WDPCP: variants seen among roughly 807,000 people sequenced by gnomAD.
The protein encoded by WDPCP is WD repeat-containing and planar cell polarity effector protein fritz homolog.
WDPCP carries 71 observed loss-of-function variants against 93.1 expected under a neutral mutation model. That is an observed-to-expected ratio of 0.76 (90% CI 0.63 to 0.93). WDPCP has a LOEUF of 0.93. Among genes scored for constraint, WDPCP ranks in the 40% least tolerant of loss-of-function variants. The pLI, the probability that WDPCP is intolerant of heterozygous loss-of-function variation, is 0.00. For missense variants in WDPCP, 844 were observed against 887.4 expected, an observed-to-expected ratio of 0.95 and a Z score of 0.62; for synonymous variants, 315 against 315.0, an observed-to-expected ratio of 1.00 and a Z score of 0.00.
At chr2:63,565,486 A>C (rs1706972289) in intron 1 of WDPCP, among the ~76,000 whole-genome samples, 1 of 152,204 alleles carries the variant, frequency 6.6e-6, no homozygotes, top group Admixed American at 6.5e-5. Context: ...ATAGTATAAT[A>C]AAACATCAAG....
At chr2:63,126,126 G>T (rs1029352455) in intron 17 of WDPCP, among the ~76,000 whole-genome samples, 3 of 151,456 alleles carry the variant, frequency 2.0e-5, no homozygotes, top group Admixed American at 6.6e-5. Flanking sequence ...TAGAGACAGG[G>T]TTTCACCATT....
At chr2:63,645,529 T>C (rs1322137044) in intron 3 of WDPCP, among the ~76,000 whole-genome samples, 3 of 152,236 alleles carry the variant, frequency 2.0e-5, no homozygotes, top group Non-Finnish European at 2.9e-5. Context: ...ATTTGGTTTA[T>C]AGTGCAGATT....
chr2:63,572,584 T>C (rs866260047), intron 1 of WDPCP, among the ~76,000 whole-genome samples: 14 of 150,524 alleles, frequency 9.3e-5, no homozygotes, highest in Admixed American at 2.7e-4. Flanking sequence ...GCGCCTGTAA[T>C]CCCAGCTACT....
the WDPCP span, among the ~76,000 whole-genome samples, chr2:63,835,366 G>T: frequency 1.4e-5 from 2 of 148,094 alleles, no homozygotes; most frequent in Non-Finnish European, 3.0e-5. Flanking sequence ...CTCCAGCCTG[G>T]GTGACAGAGC....
chr2:63,599,324 G>A (rs1448804920), intron 3 of WDPCP: 2 of 1,589,024 alleles, frequency 1.3e-6, no homozygotes, highest in Admixed American at 1.8e-5. Flanking sequence ...TCTTGTGGTT[G>A]TTCAACTTTA....
Position 63,588,342 on chromosome 2 carries a change from C to G in WDPCP, c.-71G>C. 1 of 1,527,634 alleles carries G rather than the reference C, an allele frequency of 6.5e-7. No homozygotes were observed. Among genetic ancestry groups the G allele is most frequent in the Admixed American group, 2.0e-5 (1 of 51,078 alleles). The allele number at this position is 1,527,634 out of a possible 1,614,324, so 94.6% of individuals were successfully genotyped here. A position where few individuals can be genotyped will look rare whatever the true frequency, so the allele number is the denominator to read the frequency against. On this transcript the variant is annotated 5_prime_UTR_variant, in exon 1 of 18. Coordinates refer to ENST00000272321, the MANE Select transcript of WDPCP (RefSeq NM_015910.7). ...GACCCGAGAGGGAGCGACACGCTCG[C>G]TTGGTCTCTTGGGTCTCCAGGACGC...
chr2:63,755,923 C>G (rs557489310), intron 2 of WDPCP, among the ~76,000 whole-genome samples: 3 of 152,188 alleles, frequency 2.0e-5, no homozygotes, highest in African/African-American at 7.2e-5. Context: ...TATGCACTGA[C>G]TTAGGTCAGA....
intron 1 of WDPCP, among the ~76,000 whole-genome samples, chr2:63,567,043 G>A (rs1385051043): frequency 6.6e-6 from 1 of 152,168 alleles, no homozygotes; most frequent in African/African-American, 2.4e-5. Context: ...GAAAGGTTAG[G>A]ACAGGGCTTC....
At chr2:63,838,803 C>T in the WDPCP span, among the ~76,000 whole-genome samples, 5 of 152,152 alleles carry the variant, frequency 3.3e-5, no homozygotes, top group Admixed American at 2.0e-4. Flanking sequence ...TGCTCCATGG[C>T]CATTAAGAAC....
intron 6 of WDPCP, among the ~76,000 whole-genome samples, chr2:63,464,381 G>T (rs1313691935): frequency 1.3e-5 from 2 of 152,048 alleles, no homozygotes; most frequent in Non-Finnish European, 2.9e-5. Flanking sequence ...AATCAGAAAA[G>T]ATCTAGTGTT....
intron 13 of WDPCP, among the ~76,000 whole-genome samples, chr2:63,278,879 GAA>G (rs1422696156): frequency 1.3e-5 from 2 of 152,114 alleles, no homozygotes; most frequent in Non-Finnish European, 2.9e-5. Context: ...GTGTAAACTA[GAA>G]AACCTAGAGG....
intron 2 of WDPCP, among the ~76,000 whole-genome samples, chr2:63,655,465 A>G (rs1190538202): frequency 6.6e-6 from 1 of 152,080 alleles, no homozygotes; most frequent in African/African-American, 2.4e-5. Flanking sequence ...ACACTCTTCT[A>G]TAATTTTTTT....
intron 2 of WDPCP, among the ~76,000 whole-genome samples, chr2:63,809,298 G>GC (rs1427208813): frequency 6.7e-6 from 1 of 150,032 alleles, no homozygotes; most frequent in East Asian, 2.0e-4. Flanking sequence ...TGGGGGTTCA[G>GC]CCCCCCGCCC....
intron 2 of WDPCP, among the ~76,000 whole-genome samples, chr2:63,769,146 G>C (rs1670188716): frequency 6.6e-6 from 1 of 151,896 alleles, no homozygotes; most frequent in African/African-American, 2.4e-5. Context: ...GGCCACAACT[G>C]TAGGCTTTCT....
intron 14 of WDPCP, among the ~76,000 whole-genome samples, chr2:63,175,280 C>T (rs1268165058): frequency 1.3e-5 from 2 of 151,956 alleles, no homozygotes; most frequent in African/African-American, 4.8e-5. Flanking sequence ...ATATATACTC[C>T]CATATCTTAG....
rs1703765278 is a variant in WDPCP at position 63,530,727 on chromosome 2, C to T, written c.76-37787G>A. Reference sequence around the variant, plus strand: ...TTTGAAAATATGGTCAGCTCAGGTTCCAAGATGACCAAATAGGAACAGCTC... The same window carrying T: ...TTTGAAAATATGGTCAGCTCAGGTTTCAAGATGACCAAATAGGAACAGCTC... On this transcript the variant is annotated intron_variant, in intron 1 of 17. Coordinates refer to ENST00000272321, the MANE Select transcript of WDPCP (RefSeq NM_015910.7). Among the ~76,000 whole-genome samples, 3 of 152,166 alleles carry T rather than the reference C, an allele frequency of 2.0e-5. No individual in the cohort carries two copies. In the South Asian group the frequency reaches 6.2e-4, roughly 31 times the overall value.
intron 13 of WDPCP, among the ~76,000 whole-genome samples, chr2:63,312,858 C>T (rs1686281577): frequency 6.6e-6 from 1 of 152,054 alleles, no homozygotes; most frequent in South Asian, 2.1e-4. Context: ...AAACTGAGCA[C>T]ATTCGAGATC....
At chr2:63,396,334 GT>G (rs1356836502) in intron 10 of WDPCP, among the ~76,000 whole-genome samples, 2 of 152,150 alleles carry the variant, frequency 1.3e-5, no homozygotes, top group Non-Finnish European at 2.9e-5. Flanking sequence ...CATACTGTTT[GT>G]TTTTTAGAAA....
Position 63,437,574 on chromosome 2 carries a change from A to G in WDPCP, c.500-20T>C. On this transcript the variant is annotated intron_variant, in intron 7 of 17. Coordinates refer to ENST00000272321, the MANE Select transcript of WDPCP (RefSeq NM_015910.7). ...GAAGAGCTAAAAAACATAATTAGATATTACCAAGTTAGAATAAAATAATGA... is the reference window on the plus strand; with the variant it reads ...GAAGAGCTAAAAAACATAATTAGATGTTACCAAGTTAGAATAAAATAATGA... 1 of 1,562,450 alleles carries G rather than the reference A, an allele frequency of 6.4e-7. No individual in the cohort carries two copies.
Sources: gnomAD v4.1 joint callset for allele counts (sites outside exome capture counted in the v4.1 genomes callset) on GRCh38, gnomAD v4.1.1 for gene constraint, MANE v1.5 for transcripts, NCBI Gene and HGNC (gene_info 2026-07-23, HGNC 2026-07-21) for gene names.